The following USP32 variants were observed in gnomAD, a reference collection of about 807,000 sequenced individuals.
The protein encoded by USP32 is ubiquitin carboxyl-terminal hydrolase 32.
Under a neutral mutation model 204.8 loss-of-function variants are expected in USP32, and 59 were observed. That is an observed-to-expected ratio of 0.29 (90% CI 0.23 to 0.36). The LOEUF (loss-of-function observed/expected upper bound fraction) is 0.36, where lower values mean the gene tolerates loss of function less well. USP32 is among the 10% of genes least tolerant of loss of function. The probability of loss-of-function intolerance (pLI) is 1.00; values close to 1 mark genes in which losing one functional copy is unlikely to be tolerated. For missense variants in USP32, 1,160 were observed against 1,946.4 expected, an observed-to-expected ratio of 0.60 and a Z score of 7.60; for synonymous variants, 517 against 678.4, an observed-to-expected ratio of 0.76 and a Z score of 3.70.
intron 2 of USP32, among the ~76,000 whole-genome samples, chr17:60,303,865 G>A (rs2087652512): frequency 6.6e-6 from 1 of 152,008 alleles, no homozygotes; most frequent in Non-Finnish European, 1.5e-5. Context: ...AACAAAAGGG[G>A]GAAAATGTGA....
chr17:60,372,845 TAAAAAA>T (rs746725190), intron 1 of USP32, among the ~76,000 whole-genome samples: 1 of 88,396 alleles, frequency 1.1e-5, no homozygotes, highest in Non-Finnish European at 2.4e-5. Flanking sequence ...AGACCCTGTC[TAAAAAA>T]AAAAAAAAAA....
intron 3 of USP32, among the ~76,000 whole-genome samples, chr17:60,295,215 A>G (rs1784056720): frequency 6.6e-6 from 1 of 151,818 alleles, no homozygotes; most frequent in South Asian, 2.1e-4. Context: ...GTTCACTGAA[A>G]TACTGTTTGT....
At chr17:60,317,924 G>A (rs2088021807) in intron 2 of USP32, among the ~76,000 whole-genome samples, 1 of 152,074 alleles carries the variant, frequency 6.6e-6, no homozygotes, top group Non-Finnish European at 1.5e-5. Flanking sequence ...GGCAGAGATT[G>A]CAGTAAGCTG....
chr17:60,199,040 T>C (rs1288633570), intron 26 of USP32, among the ~76,000 whole-genome samples: 4 of 151,230 alleles, frequency 2.6e-5, no homozygotes, highest in Non-Finnish European at 4.4e-5. Flanking sequence ...TGCCTGAGTC[T>C]GGCAAGTTGA....
At chr17:60,182,794 A>T (rs345174) in intron 31 of USP32, among the ~76,000 whole-genome samples, 21,323 of 145,734 alleles carry the variant, frequency 0.15, 3,116 homozygotes, top group African/African-American at 0.41. Flanking sequence ...AAAATAAATT[A>T]AAAAAAAAAG....
chr17:60,353,402 A>G (rs971447218), intron 1 of USP32, among the ~76,000 whole-genome samples: 1 of 152,200 alleles, frequency 6.6e-6, no homozygotes, highest in Non-Finnish European at 1.5e-5. Context: ...GCTGACTACT[A>G]TCATTTCTAT....
intron 1 of USP32, among the ~76,000 whole-genome samples, chr17:60,376,762 T>C (rs1240540210): frequency 1.3e-5 from 2 of 152,088 alleles, no homozygotes; most frequent in African/African-American, 4.8e-5. Flanking sequence ...CTTCAAGTGA[T>C]CCGCCCGACT....
At chr17:60,402,346 G>C (rs1209000704) in intron 1 of USP32, among the ~76,000 whole-genome samples, 1 of 150,172 alleles carries the variant, frequency 6.7e-6, no homozygotes, top group East Asian at 2.0e-4. Flanking sequence ...GACCTCCCAG[G>C]CTCAAGTGAT....
intron 27 of USP32, among the ~76,000 whole-genome samples, chr17:60,196,667 A>C (rs2084526906): frequency 6.6e-6 from 1 of 151,692 alleles, no homozygotes; most frequent in South Asian, 2.1e-4. Context: ...TGTACTAAAA[A>C]TACAAAAATT....
intron 1 of USP32, among the ~76,000 whole-genome samples, chr17:60,357,112 T>G (rs2089097642): frequency 6.6e-6 from 1 of 151,816 alleles, no homozygotes; most frequent in South Asian, 2.1e-4. Context: ...ATTGCAAAAT[T>G]TGAAGACAGT....
intron 1 of USP32, among the ~76,000 whole-genome samples, chr17:60,368,161 T>TA (rs2089355960): frequency 6.6e-6 from 1 of 152,150 alleles, no homozygotes; most frequent in Non-Finnish European, 1.5e-5. Context: ...AAATTCCACC[T>TA]AATCAACTTC....
chr17:60,389,225 G>T (rs1159497537), intron 1 of USP32, among the ~76,000 whole-genome samples: 2 of 152,062 alleles, frequency 1.3e-5, no homozygotes, highest in Non-Finnish European at 1.5e-5. Flanking sequence ...CCCAAAAGAG[G>T]TTCCAAGACA....
At chr17:60,305,672 C>T (rs1472002461) in intron 2 of USP32, among the ~76,000 whole-genome samples, 1 of 152,166 alleles carries the variant, frequency 6.6e-6, no homozygotes, top group Non-Finnish European at 1.5e-5. Context: ...AATTTATAAA[C>T]ACTGAGTTTT....
chr17:60,245,726 T>C (rs1246404869), intron 11 of USP32: 1 of 158,850 alleles, frequency 6.3e-6, no homozygotes, highest in Non-Finnish European at 1.4e-5. Context: ...ATGTGGATGT[T>C]AATAACCGTC....
chr17:60,346,385 A>G (rs2088786969), intron 1 of USP32, among the ~76,000 whole-genome samples: 1 of 152,240 alleles, frequency 6.6e-6, no homozygotes, highest in African/African-American at 2.4e-5. Flanking sequence ...TGTTTTCAGC[A>G]GCAATACATT....
chr17:60,288,445 T>C (rs893490907), intron 5 of USP32, 78 bp downstream of exon 5: 41 of 1,463,596 alleles, frequency 2.8e-5, no homozygotes, highest in Non-Finnish European at 3.4e-5. Flanking sequence ...TTCTCCTTTA[T>C]AAGCATATTC....
At chr17:60,322,585 G>A (rs1455855985) in intron 2 of USP32, among the ~76,000 whole-genome samples, 1 of 152,002 alleles carries the variant, frequency 6.6e-6, no homozygotes, top group Non-Finnish European at 1.5e-5. Flanking sequence ...TTTCAAAAAA[G>A]GGTCAAGATT....
chr17:60,222,684 T>C (rs2085283246), intron 14 of USP32, 135 bp from the exon 15 acceptor site: 1 of 863,174 alleles, frequency 1.2e-6, no homozygotes, highest in Non-Finnish European at 1.7e-6. Flanking sequence ...TTAATTTTTT[T>C]TTTTTTTTTT....
chr17:60,397,912 G>A (rs1271503930), intron 1 of USP32, among the ~76,000 whole-genome samples: 3 of 151,548 alleles, frequency 2.0e-5, no homozygotes, highest in Non-Finnish European at 2.9e-5. Context: ...AATCATTAGA[G>A]TCTTAAAAGG....
Sources: allele counts gnomAD v4.1 joint callset (sites outside exome capture counted in the v4.1 genomes callset), GRCh38; gene constraint gnomAD v4.1.1; transcripts MANE v1.5; gene names NCBI Gene and HGNC (gene_info 2026-07-23, HGNC 2026-07-21).